ADGRG2: variants seen among roughly 807,000 people sequenced by gnomAD.
ADGRG2 encodes G protein-coupled receptor 64.
A neutral mutation model predicts 74.1 loss-of-function variants in ADGRG2; 26 were observed. The ratio of observed to expected loss-of-function variants is 0.35; its 90% CI spans 0.26 to 0.49. The LOEUF (loss-of-function observed/expected upper bound fraction) is 0.49. ADGRG2 is among the 20% of genes least tolerant of loss of function. ADGRG2 has a pLI of 0.99. For missense variants in ADGRG2, 619 were observed against 763.1 expected (o/e 0.81, Z 2.22); for synonymous variants, 296 against 295.2 (o/e 1.00, Z -0.03).
At chrX:19,092,733 A>G (rs2062033623) in intron 1 of ADGRG2, among the ~76,000 whole-genome samples, 1 of 111,881 alleles carries the variant, frequency 8.9e-6, no homozygotes, top group Admixed American at 9.5e-5. Context: ...ATCCTGAACC[A>G]GGACCTAGTC....
chrX:19,036,059 C>T (rs1464030159), intron 6 of ADGRG2, 82 bp from the exon 7 acceptor site: 1 of 459,390 alleles, frequency 2.2e-6, no homozygotes, highest in Non-Finnish European at 3.6e-6. Context: ...TTAAACATTT[C>T]CCTTTTCCCC....
chrX:19,053,752 A>G (rs2061365719), intron 3 of ADGRG2, among the ~76,000 whole-genome samples: 1 of 111,854 alleles, frequency 8.9e-6, no homozygotes, highest in Non-Finnish European at 1.9e-5. Context: ...ATAAAGACAT[A>G]CCCAAGACTG....
intron 24 of ADGRG2, among the ~76,000 whole-genome samples, chrX:19,002,375 G>A (rs191073069): frequency 2.7e-4 from 30 of 111,604 alleles, no homozygotes; most frequent in Non-Finnish European, 4.7e-4. Flanking sequence ...AGTTACAATG[G>A]GTTTTATATG....
At chrX:19,039,243 G>C (rs759399549) in intron 4 of ADGRG2, 1 of 331,111 alleles carries the variant, frequency 3.0e-6, no homozygotes, top group South Asian at 2.6e-5. Flanking sequence ...GTGTGAACAC[G>C]AGCATGTTTT....
intron 1 of ADGRG2, among the ~76,000 whole-genome samples, chrX:19,112,988 C>CAAAA (rs756477082): frequency 1.4e-5 from 1 of 71,430 alleles, no homozygotes; most frequent in African/African-American, 5.0e-5. Flanking sequence ...AAAAAAAAAC[C>CAAAA]AAAAAAAAAA....
rs1230567353 is a variant in ADGRG2 at position 19,110,677 on chromosome X, C to T, written c.-47+11765G>A. Among the ~76,000 whole-genome samples, 30 of 100,083 alleles carry T rather than the reference C, an allele frequency of 3.0e-4. No individual in the cohort carries two copies. In the Admixed American group the frequency reaches 3.2e-3, roughly 11 times the overall value. The allele number at this position is 100,083 out of a possible 115,157, so 86.9% of individuals were successfully genotyped here. A position where few individuals can be genotyped will look rare whatever the true frequency, so the allele number is the denominator to read the frequency against. On this transcript the variant is annotated intron_variant, in intron 1 of 28. Transcript: ENST00000379869. ...CTCCAACCTAGGTGACAGGGAGAGACTCTATCTCAAAAAAAAACAAAAAAC... is the reference window on the plus strand; with the variant it reads ...CTCCAACCTAGGTGACAGGGAGAGATTCTATCTCAAAAAAAAACAAAAAAC...
intron 1 of ADGRG2, among the ~76,000 whole-genome samples, chrX:19,115,085 G>A (rs1049801440): frequency 5.4e-5 from 6 of 111,886 alleles, no homozygotes; most frequent in Non-Finnish European, 1.1e-4. Context: ...TACCAGGTGA[G>A]TGTGTATTGG....
intron 15 of ADGRG2, 138 bp from the exon 16 acceptor site, chrX:19,014,212 A>G (rs2060419214): frequency 2.1e-6 from 1 of 482,823 alleles, no homozygotes. Context: ...AGCCTCTGCC[A>G]TTTCACACCC....
intron 9 of ADGRG2, among the ~76,000 whole-genome samples, chrX:19,030,704 A>T (rs1191962199): frequency 8.9e-6 from 1 of 112,492 alleles, no homozygotes; most frequent in East Asian, 2.8e-4. Context: ...TTCTAAGGGT[A>T]TTAGTTATGG....
Position 18,990,342 on chromosome X carries a change from T to G in ADGRG2, c.*522A>C, listed in dbSNP as rs17313504. The G allele has an allele frequency of 0.021, 2,404 of 113,057 alleles. 35 individuals are homozygous for G. Among genetic ancestry groups the G allele is most frequent in the Non-Finnish European group, 0.035 (1,886 of 53,354 alleles). The allele number at this position is 113,057 out of a possible 1,213,427, so 9.3% of individuals were successfully genotyped here. A position where few individuals can be genotyped will look rare whatever the true frequency, so the allele number is the denominator to read the frequency against. ...ATTTGCGGAACGAGCAAGGATTTTC[T>G]GAATTATCACGTGAGACAAAACAAC... is the stretch of plus-strand genomic sequence containing the variant. On this transcript the variant is annotated 3_prime_UTR_variant, in exon 29 of 29. Transcript: ENST00000379869.
At chrX:19,027,056 G>A (rs1480975421) in intron 11 of ADGRG2, among the ~76,000 whole-genome samples, 163 bp downstream of exon 11, 1 of 112,150 alleles carries the variant, frequency 8.9e-6, no homozygotes, top group Non-Finnish European at 1.9e-5. Context: ...GATAATAGTT[G>A]ATGTGATTAT....
chrX:19,032,917 C>T (rs1480717734), intron 8 of ADGRG2: 1 of 111,889 alleles, frequency 8.9e-6, no homozygotes, highest in Non-Finnish European at 1.9e-5. Flanking sequence ...TAAAAGTACA[C>T]ATTTTCTTTG....
intron 1 of ADGRG2, among the ~76,000 whole-genome samples, chrX:19,099,491 C>A (rs975974335): frequency 1.1e-4 from 12 of 111,991 alleles, no homozygotes; most frequent in Admixed American, 1.9e-4. Context: ...AGAAGGCATA[C>A]AATTATGACT....
At chrX:19,097,893 A>G (rs1376975970) in intron 1 of ADGRG2, among the ~76,000 whole-genome samples, 1 of 113,091 alleles carries the variant, frequency 8.8e-6, no homozygotes, top group Admixed American at 9.4e-5. Flanking sequence ...CGGCATTCAA[A>G]CAAATAAAAA....
chrX:19,078,400 TAA>T (rs776089986), intron 2 of ADGRG2, among the ~76,000 whole-genome samples: 6 of 108,896 alleles, frequency 5.5e-5, no homozygotes, highest in Non-Finnish European at 1.1e-4. Context: ...TACAAAAAAA[TAA>T]AAAAATTAGC....
intron 1 of ADGRG2, among the ~76,000 whole-genome samples, chrX:19,112,776 G>A (rs1339588118): frequency 1.8e-5 from 2 of 108,670 alleles, no homozygotes; most frequent in African/African-American, 6.7e-5. Flanking sequence ...TGGCCAACAT[G>A]GTAAAACCCC....
Position 18,999,291 on chromosome X carries a change from G to A in ADGRG2, c.2331-12C>T. ...TGTTGATCCAGCAGCTGGAGTTTGT[G>A]GAGGGGGGGAAACAGGGGAAAACAT... On this transcript the variant is annotated splice_polypyrimidine_tract_variant and intron_variant, in intron 25 of 28. Transcript: ENST00000379869. The A allele has an allele frequency of 1.7e-6, 2 of 1,167,054 alleles. No homozygotes were observed. Among genetic ancestry groups the A allele is most frequent in the African/African-American group, 1.8e-5 (1 of 56,327 alleles).
At chrX:19,065,881 T>C (rs2061560852) in intron 3 of ADGRG2, among the ~76,000 whole-genome samples, 1 of 112,399 alleles carries the variant, frequency 8.9e-6, no homozygotes, top group Admixed American at 9.4e-5. Flanking sequence ...AGAGTCTCGC[T>C]CTGTCACCCA....
At chrX:19,049,438 G>GTTTTTTTTTTTTTTT (rs752686975) in intron 3 of ADGRG2, among the ~76,000 whole-genome samples, 33 of 82,117 alleles carry the variant, frequency 4.0e-4, no homozygotes, top group African/African-American at 1.1e-3. Flanking sequence ...CGTTTTTTGT[G>GTTTTTTTTTTTTTTT]TTTTTTTTTT....
Sources: allele counts gnomAD v4.1 joint callset (sites outside exome capture counted in the v4.1 genomes callset), GRCh38; gene constraint gnomAD v4.1.1; transcripts MANE v1.5; gene names NCBI Gene and HGNC (gene_info 2026-07-23, HGNC 2026-07-21).